The following ARID5B variants were observed in gnomAD, a reference collection of about 807,000 sequenced individuals.
ARID5B encodes the protein AT-rich interactive domain-containing protein 5B.
ARID5B carries 13 observed loss-of-function variants against 97.2 expected under a neutral mutation model. The ratio of observed to expected loss-of-function variants is 0.13; its 90% CI spans 0.09 to 0.21. The LOEUF (loss-of-function observed/expected upper bound fraction) is 0.21. ARID5B is among the 10% of genes least tolerant of loss of function. The pLI, the probability that ARID5B is intolerant of heterozygous loss-of-function variation, is 1.00. For synonymous variants in ARID5B, 556 were observed against 570.3 expected (o/e 0.97, Z 0.36); for missense variants, 1,210 against 1,465.3 (o/e 0.83, Z 2.84).
At chr10:61,928,946 T>G (rs1181332881) in intron 2 of ARID5B, among the ~76,000 whole-genome samples, 1 of 152,098 alleles carries the variant, frequency 6.6e-6, no homozygotes, top group African/African-American at 2.4e-5. Context: ...GAGGGAGGCT[T>G]GAAAGCAAGG....
At chr10:61,931,778 A>G (rs1844214132) in intron 2 of ARID5B, among the ~76,000 whole-genome samples, 2 of 152,192 alleles carry the variant, frequency 1.3e-5, no homozygotes, top group East Asian at 1.9e-4. Flanking sequence ...TTAAAACACA[A>G]TGAGAAACTA....
intron 3 of ARID5B, among the ~76,000 whole-genome samples, chr10:61,951,348 G>A (rs1234318017): frequency 6.6e-6 from 1 of 152,174 alleles, no homozygotes; most frequent in East Asian, 1.9e-4. Context: ...AAGTGGTATT[G>A]CTTCTTTCTT....
chr10:62,094,902 A>G lies in ARID5B; in HGVS notation c.*1872A>G. 1 of 231,220 alleles carries G rather than the reference A, an allele frequency of 4.3e-6. No individual in the cohort carries two copies. The highest frequency in any genetic ancestry group is 6.2e-5 in the East Asian group (1 of 16,242). The allele number at this position is 231,220 out of a possible 1,614,324, so 14.3% of individuals were successfully genotyped here. A position where few individuals can be genotyped will look rare whatever the true frequency, so the allele number is the denominator to read the frequency against. ...TAAATAGGTAACTCGACTGCAAAAT[A>G]ATCAAAACTGATAACAATGAAACTG... On this transcript the variant is annotated 3_prime_UTR_variant, in exon 10 of 10. Coordinates refer to ENST00000279873, the MANE Select transcript of ARID5B (RefSeq NM_032199.3).
intron 3 of ARID5B, among the ~76,000 whole-genome samples, chr10:61,993,547 A>G (rs1838956471): frequency 6.6e-6 from 1 of 152,132 alleles, no homozygotes; most frequent in Non-Finnish European, 1.5e-5. Context: ...TCATGTTACA[A>G]TGTTGGTAAT....
intron 3 of ARID5B, among the ~76,000 whole-genome samples, chr10:61,946,729 T>G (rs1455199772): frequency 6.6e-6 from 1 of 152,178 alleles, no homozygotes; most frequent in East Asian, 1.9e-4. Context: ...AAGATCAGCC[T>G]GGACAACATA....
intron 7 of ARID5B, among the ~76,000 whole-genome samples, chr10:62,066,153 G>T (rs549564749): frequency 6.6e-6 from 1 of 152,198 alleles, no homozygotes; most frequent in Non-Finnish European, 1.5e-5. Context: ...CACAATTAAA[G>T]CATGTTAATA....
intron 4 of ARID5B, among the ~76,000 whole-genome samples, chr10:62,009,045 C>T (rs753286841): frequency 2.0e-5 from 3 of 152,178 alleles, no homozygotes; most frequent in African/African-American, 7.2e-5. Context: ...TTAAATTTCG[C>T]TTGCCATGAT....
chr10:62,009,879 T>G (rs1230137178), intron 4 of ARID5B, among the ~76,000 whole-genome samples: 1 of 152,158 alleles, frequency 6.6e-6, no homozygotes, highest in Admixed American at 6.5e-5. Context: ...AACTGGACCT[T>G]GAAGGACACA....
intron 8 of ARID5B, among the ~76,000 whole-genome samples, chr10:62,084,955 A>T (rs1840261885): frequency 6.6e-6 from 1 of 152,220 alleles, no homozygotes; most frequent in Non-Finnish European, 1.5e-5. Context: ...CTGTGGGATA[A>T]GACTAAACTG....
chr10:62,049,049 G>T (rs950052257), intron 4 of ARID5B, among the ~76,000 whole-genome samples: 5 of 152,220 alleles, frequency 3.3e-5, no homozygotes, highest in African/African-American at 1.2e-4. Flanking sequence ...GCTACACAAA[G>T]TCTTCTAAAC....
chr10:61,977,224 A>G (rs1222143068), intron 3 of ARID5B, among the ~76,000 whole-genome samples: 1 of 152,202 alleles, frequency 6.6e-6, no homozygotes, highest in Non-Finnish European at 1.5e-5. Context: ...TCCATGGTGT[A>G]TATGTGCCAC....
At chr10:61,976,409 T>TG (rs1310758511) in intron 3 of ARID5B, among the ~76,000 whole-genome samples, 2 of 152,120 alleles carry the variant, frequency 1.3e-5, no homozygotes, top group Non-Finnish European at 2.9e-5. Flanking sequence ...GAAGGTAAAG[T>TG]GGGGTATTTC....
At chr10:61,991,791 A>T (rs1356751597) in intron 3 of ARID5B, among the ~76,000 whole-genome samples, 1 of 152,154 alleles carries the variant, frequency 6.6e-6, no homozygotes, top group Non-Finnish European at 1.5e-5. Context: ...GCACTTTGGG[A>T]GGCTGAGGTG....
At chr10:62,037,766 C>G (rs950187085) in intron 4 of ARID5B, among the ~76,000 whole-genome samples, 2 of 152,114 alleles carry the variant, frequency 1.3e-5, no homozygotes, top group Non-Finnish European at 2.9e-5. Context: ...CAAAGAAGAA[C>G]AAGAGTTGTC....
chr10:61,941,396 T>C (rs2064898005), intron 3 of ARID5B, among the ~76,000 whole-genome samples: 1 of 152,016 alleles, frequency 6.6e-6, no homozygotes, highest in South Asian at 2.1e-4. Context: ...TTAGACTAGT[T>C]ATTTCCTCTT....
intron 2 of ARID5B, among the ~76,000 whole-genome samples, chr10:61,938,169 C>T (rs1197930748): frequency 6.6e-6 from 1 of 152,124 alleles, no homozygotes; most frequent in Non-Finnish European, 1.5e-5. Context: ...TTAATGACAT[C>T]ATAAGGATAG....
intron 3 of ARID5B, among the ~76,000 whole-genome samples, chr10:61,949,670 C>T (rs1838296241): frequency 6.6e-6 from 1 of 152,070 alleles, no homozygotes; most frequent in Admixed American, 6.6e-5. Context: ...AAAAAAAGAC[C>T]GTGATGGATA....
chr10:61,984,999 T>A (rs534331392), intron 3 of ARID5B, among the ~76,000 whole-genome samples: 1 of 151,980 alleles, frequency 6.6e-6, no homozygotes, highest in Admixed American at 6.5e-5. Flanking sequence ...TCATAATAAC[T>A]TCCTTAGGGC....
chr10:61,914,570 T>G (rs1181908107), intron 2 of ARID5B, among the ~76,000 whole-genome samples: 3 of 152,228 alleles, frequency 2.0e-5, no homozygotes, highest in Non-Finnish European at 4.4e-5. Flanking sequence ...TCTAGAGTGC[T>G]TTCTCTGTGT....
Sources: gnomAD v4.1 joint callset for allele counts (sites outside exome capture counted in the v4.1 genomes callset) on GRCh38, gnomAD v4.1.1 for gene constraint, MANE v1.5 for transcripts, NCBI Gene and HGNC (gene_info 2026-07-23, HGNC 2026-07-21) for gene names.